PLCE1: variants seen among roughly 807,000 people sequenced by gnomAD.
PLCE1 encodes phospholipase C epsilon 1.
A neutral mutation model predicts 242.8 loss-of-function variants in PLCE1; 119 were observed. The ratio of observed to expected loss-of-function variants is 0.49; its 90% CI spans 0.42 to 0.57. PLCE1 has a LOEUF of 0.57. Among genes scored for constraint, PLCE1 ranks in the 20% least tolerant of loss-of-function variants. PLCE1 has a pLI of 0.00. For missense variants in PLCE1, 2,441 were observed against 2,788.8 expected (o/e 0.88, Z 2.81); for synonymous variants, 945 against 1,017.4 (o/e 0.93, Z 1.35).
At chr10:93,997,323 T>C (rs1421747609) in intron 1 of PLCE1, among the ~76,000 whole-genome samples, 2 of 152,224 alleles carry the variant, frequency 1.3e-5, no homozygotes, top group African/African-American at 4.8e-5. Flanking sequence ...TTGCTGCAGA[T>C]ACCATTGAAA....
chr10:94,312,174 A>G (rs978670492), intron 27 of PLCE1, among the ~76,000 whole-genome samples: 1 of 152,228 alleles, frequency 6.6e-6, no homozygotes, highest in Non-Finnish European at 1.5e-5. Context: ...TAGTATGACA[A>G]TTATACTTCA....
chr10:94,250,131 CA>C lies in PLCE1; in HGVS notation c.3097-2166del, dbSNP rs34113881. Among the ~76,000 whole-genome samples, 941 of 95,654 alleles carry C rather than the reference CA, an allele frequency of 9.8e-3. 3 individuals are homozygous for C. Among genetic ancestry groups the C allele is most frequent in the African/African-American group, 0.023 (584 of 25,286 alleles). 62.8% of individuals were successfully genotyped at this position (95,654 alleles called of 152,430 possible). ...TGGGCAAGAGTGCGAGACTCTGTCTCAAAAAAAAAAAAAAAAAAACTGTTTT... is the reference window on the plus strand; with the variant it reads ...TGGGCAAGAGTGCGAGACTCTGTCTCAAAAAAAAAAAAAAAAAACTGTTTT... On this transcript the variant is annotated intron_variant, in intron 8 of 32. Transcript: ENST00000371380.
intron 4 of PLCE1, among the ~76,000 whole-genome samples, chr10:94,195,493 G>A (rs899772763): frequency 3.9e-5 from 6 of 152,104 alleles, no homozygotes; most frequent in African/African-American, 1.4e-4. Context: ...CTAAGAATTA[G>A]GGGCTCCTTT....
rs1554877545 is a variant in PLCE1, at chr10:94,179,512, G to GTTTTTTTTTTTTTTTTTTTTTTTTTTTTT, written c.1809+8034_1809+8035insTTTTTTTTTTTTTTTTTTTTTTTTTTTTT. Among the ~76,000 whole-genome samples, 8 of 19,396 alleles carry GTTTTTTTTTTTTTTTTTTTTTTTTTTTTT rather than the reference G, an allele frequency of 4.1e-4. 1 individual carries two copies. Among genetic ancestry groups the GTTTTTTTTTTTTTTTTTTTTTTTTTTTTT allele is most frequent in the African/African-American group, 7.9e-4 (5 of 6,292 alleles). 12.7% of individuals were successfully genotyped at this position (19,396 alleles called of 152,430 possible). A position where few individuals can be genotyped will look rare whatever the true frequency, so the allele number is the denominator to read the frequency against. ...TTTATCTTATTTTTATTTTAGTTTA[G>GTTTTTTTTTTTTTTTTTTTTTTTTTTTTT]TTTTTTTTTTTTTTTTTTGACAGGG... On this transcript the variant is annotated intron_variant, in intron 4 of 32. Transcript: ENST00000371380.
At chr10:94,073,482 G>A (rs2044418609) in intron 2 of PLCE1, among the ~76,000 whole-genome samples, 1 of 152,178 alleles carries the variant, frequency 6.6e-6, no homozygotes, top group African/African-American at 2.4e-5. Flanking sequence ...AAATATTCCA[G>A]GTGGAAGGGT....
chr10:94,177,051 G>A (rs2048148556), intron 4 of PLCE1, among the ~76,000 whole-genome samples: 4 of 152,212 alleles, frequency 2.6e-5, no homozygotes, highest in African/African-American at 9.6e-5. Flanking sequence ...ATTGCCCCCA[G>A]AACCACGCTT....
intron 1 of PLCE1, among the ~76,000 whole-genome samples, chr10:93,995,139 G>A (rs2060796516): frequency 6.6e-6 from 1 of 152,178 alleles, no homozygotes; most frequent in Non-Finnish European, 1.5e-5. Context: ...GAGAATTTTT[G>A]AGAGCCTGAC....
At chr10:94,046,231 A>T (rs1228873110) in intron 2 of PLCE1, among the ~76,000 whole-genome samples, 1 of 152,154 alleles carries the variant, frequency 6.6e-6, no homozygotes, top group African/African-American at 2.4e-5. Context: ...TCTCTGGTTA[A>T]TGAGTGTGAG....
chr10:94,313,615 G>T (rs1233730657), intron 28 of PLCE1, among the ~76,000 whole-genome samples: 2 of 152,168 alleles, frequency 1.3e-5, no homozygotes, highest in Non-Finnish European at 2.9e-5. Context: ...AACCTGTAGA[G>T]AAGATTTTTA....
At chr10:94,149,555 C>T (rs1294691328) in intron 3 of PLCE1, among the ~76,000 whole-genome samples, 2 of 152,220 alleles carry the variant, frequency 1.3e-5, no homozygotes, top group African/African-American at 4.8e-5. Flanking sequence ...TCAAGCCTCA[C>T]CTGAGACTTT....
intron 3 of PLCE1, among the ~76,000 whole-genome samples, chr10:94,163,951 C>A (rs1314254561): frequency 6.6e-6 from 1 of 152,162 alleles, no homozygotes; most frequent in Admixed American, 6.5e-5. Context: ...GTTGAAAATT[C>A]TTTTCTTTAA....
At chr10:94,057,859 CTTG>C (rs1351448608) in intron 2 of PLCE1, among the ~76,000 whole-genome samples, 3 of 152,278 alleles carry the variant, frequency 2.0e-5, no homozygotes, top group South Asian at 2.1e-4. Flanking sequence ...TCCAAGCTCA[CTTG>C]TTGTTGGCAG....
chr10:94,111,567 G>GT (rs1022391809), intron 2 of PLCE1, among the ~76,000 whole-genome samples: 1 of 152,180 alleles, frequency 6.6e-6, no homozygotes, highest in African/African-American at 2.4e-5. Context: ...AGTTGGAAGA[G>GT]TGGGTGGCTA....
intron 17 of PLCE1, 60 bp downstream of exon 17, chr10:94,269,096 T>TA: frequency 1.0e-5 from 2 of 192,154 alleles, no homozygotes; most frequent in African/African-American, 5.4e-5. Context: ...TCATTTGTCT[T>TA]TTTTTTTTTT....
intron 2 of PLCE1, among the ~76,000 whole-genome samples, chr10:94,079,144 G>T (rs2044586449): frequency 6.6e-6 from 1 of 152,134 alleles, no homozygotes; most frequent in Non-Finnish European, 1.5e-5. Flanking sequence ...GCCCCAAGTT[G>T]CTTTTTCTCT....
intron 2 of PLCE1, among the ~76,000 whole-genome samples, chr10:94,125,398 A>ATT (rs528952712): frequency 2.8e-5 from 4 of 145,384 alleles, no homozygotes; most frequent in South Asian, 4.4e-4. Flanking sequence ...TTAGCGCCTT[A>ATT]TTTTTTTTTT....
chr10:94,208,998 G>C (rs1315387239), intron 4 of PLCE1, among the ~76,000 whole-genome samples: 1 of 152,174 alleles, frequency 6.6e-6, no homozygotes, highest in East Asian at 1.9e-4. Context: ...AAGTTTTCTA[G>C]AACATTTAAG....
chr10:94,140,849 T>C (rs1180561425), intron 3 of PLCE1, among the ~76,000 whole-genome samples: 1 of 152,234 alleles, frequency 6.6e-6, no homozygotes, highest in African/African-American at 2.4e-5. Context: ...CTTGAAATTA[T>C]TTTCTTGGTA....
chr10:94,021,591 T>C (rs1371317682), intron 1 of PLCE1, among the ~76,000 whole-genome samples: 1 of 152,190 alleles, frequency 6.6e-6, no homozygotes, highest in East Asian at 1.9e-4. Context: ...CTATATTCTA[T>C]TTCATTGATG....
Sources: allele counts gnomAD v4.1 joint callset (sites outside exome capture counted in the v4.1 genomes callset), GRCh38; gene constraint gnomAD v4.1.1; transcripts MANE v1.5; gene names NCBI Gene and HGNC (gene_info 2026-07-23, HGNC 2026-07-21).